The following CNTN4 variants were observed in gnomAD, a reference collection of about 807,000 sequenced individuals.
CNTN4 encodes the protein contactin-4.
CNTN4 carries 77 observed loss-of-function variants against 122.5 expected under a neutral mutation model. The observed-to-expected ratio is 0.63, with a 90% CI of 0.52 to 0.76. The LOEUF is 0.76. Ranked by LOEUF, CNTN4 falls within the 30% of genes least tolerant of loss-of-function variation. CNTN4 has a pLI of 0.00. For synonymous variants in CNTN4, 512 were observed against 447.0 expected (o/e 1.15, Z -1.83); for missense variants, 1,256 against 1,259.1 (o/e 1.00, Z 0.04).
At chr3:2,177,172 A>T (rs1042214617) in intron 2 of CNTN4, among the ~76,000 whole-genome samples, 2 of 152,172 alleles carry the variant, frequency 1.3e-5, no homozygotes, top group African/African-American at 4.8e-5. Flanking sequence ...AAGAATTGCT[A>T]AAACCAAGTG....
intron 3 of CNTN4, among the ~76,000 whole-genome samples, chr3:2,435,417 G>A (rs1360809997): frequency 6.6e-6 from 1 of 152,022 alleles, no homozygotes; most frequent in African/African-American, 2.4e-5. Flanking sequence ...ACCATTTAGG[G>A]AATAATGATG....
intron 3 of CNTN4, among the ~76,000 whole-genome samples, chr3:2,358,526 C>T (rs1254966969): frequency 2.6e-5 from 4 of 151,560 alleles, no homozygotes; most frequent in South Asian, 2.1e-4. Flanking sequence ...CAAAACTGAA[C>T]GATTAATAGT....
intron 2 of CNTN4, among the ~76,000 whole-genome samples, chr3:2,185,803 A>G (rs1043144698): frequency 6.6e-6 from 1 of 152,168 alleles, no homozygotes; most frequent in Admixed American, 6.6e-5. Flanking sequence ...TTCTAAGCTA[A>G]TTAGTTCTCT....
chr3:2,941,829 T>C (rs1577348093), intron 13 of CNTN4, among the ~76,000 whole-genome samples: 1 of 152,202 alleles, frequency 6.6e-6, no homozygotes, highest in Non-Finnish European at 1.5e-5. Context: ...CCTTGCTGTA[T>C]TATTTTTGTG....
chr3:2,138,066 C>CTT (rs374358543), intron 2 of CNTN4, among the ~76,000 whole-genome samples: 53 of 136,006 alleles, frequency 3.9e-4, no homozygotes, highest in African/African-American at 1.2e-3. Flanking sequence ...TCTTCTTCTT[C>CTT]TTTTTTTTTT....
intron 3 of CNTN4, among the ~76,000 whole-genome samples, chr3:2,430,851 G>A (rs1180901681): frequency 1.3e-5 from 2 of 152,148 alleles, no homozygotes; most frequent in Non-Finnish European, 2.9e-5. Context: ...CAAGAAGACA[G>A]ATGTGCTCAA....
Position 2,733,174 on chromosome 3 carries a change from A to G in CNTN4, c.56-3041A>G, listed in dbSNP as rs140035630. ...TGTGGAATAACTAGTAATAGACTCT[A>G]TATTTCTGTATGAAATTCAAATCAG... On this transcript the variant is annotated intron_variant, in intron 4 of 24. Coordinates refer to ENST00000418658, the MANE Select transcript of CNTN4 (RefSeq NM_175607.3). Among the ~76,000 whole-genome samples the G allele has an allele frequency of 4.6e-5, 7 of 152,306 alleles. No individual in the cohort carries two copies. In the East Asian group the frequency reaches 5.8e-4, roughly 13 times the overall value.
intron 13 of CNTN4, among the ~76,000 whole-genome samples, chr3:2,935,311 G>A (rs965302061): frequency 6.6e-6 from 1 of 152,098 alleles, no homozygotes; most frequent in African/African-American, 2.4e-5. Flanking sequence ...TTTTTAAAAA[G>A]TGTCCAATCT....
At chr3:2,359,539 T>C (rs1006985316) in intron 3 of CNTN4, among the ~76,000 whole-genome samples, 4 of 152,002 alleles carry the variant, frequency 2.6e-5, no homozygotes, top group Admixed American at 1.3e-4. Context: ...TATATATGAT[T>C]TTGTTTTGTT....
At chr3:2,787,831 C>T (rs566360512) in intron 6 of CNTN4, among the ~76,000 whole-genome samples, 44 of 151,008 alleles carry the variant, frequency 2.9e-4, no homozygotes, top group African/African-American at 1.0e-3. Context: ...GCTCTGTTGC[C>T]CAGGCTAGAG....
intron 4 of CNTN4, among the ~76,000 whole-genome samples, chr3:2,678,561 G>A (rs540127604): frequency 1.2e-4 from 19 of 152,250 alleles, no homozygotes; most frequent in East Asian, 5.8e-4. Flanking sequence ...GTAAGTGACC[G>A]GAACCACAAG....
intron 2 of CNTN4, among the ~76,000 whole-genome samples, chr3:2,310,252 C>T (rs766205334): frequency 9.2e-5 from 14 of 152,128 alleles, no homozygotes; most frequent in Non-Finnish European, 1.9e-4. Context: ...GTTTCCTACT[C>T]TTATAAACTT....
At chr3:2,120,382 T>TATATATATATATATATAA (rs2033663128) in intron 2 of CNTN4, among the ~76,000 whole-genome samples, 2 of 27,324 alleles carry the variant, frequency 7.3e-5, no homozygotes, top group African/African-American at 1.0e-4. Context: ...TAAATATATA[T>TATATATATATATATATAA]ATATATATAT....
At chr3:2,939,937 A>G (rs769249891) in intron 13 of CNTN4, among the ~76,000 whole-genome samples, 3 of 152,204 alleles carry the variant, frequency 2.0e-5, no homozygotes, top group Non-Finnish European at 4.4e-5. Context: ...GAATATTTAC[A>G]CCATGGAAAT....
At chr3:2,824,410 T>C (rs1422479760) in intron 7 of CNTN4, among the ~76,000 whole-genome samples, 1 of 151,670 alleles carries the variant, frequency 6.6e-6, no homozygotes, top group African/African-American at 2.4e-5. Context: ...TGAGTGGAGA[T>C]CGCGCCACTG....
At chr3:2,247,129 G>T in intron 2 of CNTN4, among the ~76,000 whole-genome samples, 1 of 151,984 alleles carries the variant, frequency 6.6e-6, no homozygotes, top group East Asian at 1.9e-4. Context: ...GATTTGCATG[G>T]ATGCCTTTCT....
At chr3:2,202,021 C>G (rs1395465134) in intron 2 of CNTN4, among the ~76,000 whole-genome samples, 1 of 152,030 alleles carries the variant, frequency 6.6e-6, no homozygotes, top group Non-Finnish European at 1.5e-5. Flanking sequence ...TTTAGTATCT[C>G]CAACTAGAAG....
chr3:2,570,540 T>C (rs1475527144), intron 3 of CNTN4, among the ~76,000 whole-genome samples: 2 of 152,222 alleles, frequency 1.3e-5, no homozygotes, highest in South Asian at 2.1e-4. Flanking sequence ...AATACAGTTA[T>C]ATTTTCAACT....
chr3:2,897,384 T>C (rs1299208015), intron 10 of CNTN4, among the ~76,000 whole-genome samples: 1 of 152,190 alleles, frequency 6.6e-6, no homozygotes, highest in African/African-American at 2.4e-5. Flanking sequence ...GATGGTTCTC[T>C]TTTAATATGT....
Sources: gnomAD v4.1 joint callset for allele counts (sites outside exome capture counted in the v4.1 genomes callset) on GRCh38, gnomAD v4.1.1 for gene constraint, MANE v1.5 for transcripts, NCBI Gene and HGNC (gene_info 2026-07-23, HGNC 2026-07-21) for gene names.